The following GUCY1A2 variants were observed in gnomAD, a reference collection of about 807,000 sequenced individuals.
GUCY1A2 encodes the protein guanylate cyclase 1 soluble subunit alpha 2.
In GUCY1A2, 27 loss-of-function variants were observed where a neutral mutation model predicts 63.5. The ratio of observed to expected loss-of-function variants is 0.43; its 90% CI spans 0.31 to 0.59. The LOEUF (loss-of-function observed/expected upper bound fraction) is 0.59, where lower values mean the gene tolerates loss of function less well. Ranked by LOEUF, GUCY1A2 falls within the 20% of genes least tolerant of loss-of-function variation. GUCY1A2 has a pLI of 0.11. For synonymous variants in GUCY1A2, 364 were observed against 343.5 expected (o/e 1.06, Z -0.66); for missense variants, 768 against 913.3 (o/e 0.84, Z 2.05).
rs112368632 is a variant in GUCY1A2 at position 106,954,506 on chromosome 11, C to T, written c.488-14328G>A. 5.5e-3 allele frequency among the ~76,000 whole-genome samples: 834 copies of T among 152,182 alleles called. 8 individuals are homozygous for T. The highest frequency in any genetic ancestry group is 0.019 in the African/African-American group (790 of 41,534). ...TCTGTTGATCTAGGGTAGAGAGTTC[C>T]GTAAATGTCTACTAGGTCCACGTGA... On this transcript the variant is annotated intron_variant, in intron 3 of 7. Transcript: ENST00000526355.
chr11:106,804,898 T>A (rs1477828948), intron 5 of GUCY1A2, among the ~76,000 whole-genome samples: 1 of 152,204 alleles, frequency 6.6e-6, no homozygotes, highest in Non-Finnish European at 1.5e-5. Flanking sequence ...GTTCCTATCA[T>A]CTAGTCCCCT....
At chr11:107,012,651 T>A (rs1187970107) in intron 1 of GUCY1A2, among the ~76,000 whole-genome samples, 1 of 152,214 alleles carries the variant, frequency 6.6e-6, no homozygotes, top group East Asian at 1.9e-4. Flanking sequence ...TCATGTTGTT[T>A]CTAAATGATT....
intron 4 of GUCY1A2, among the ~76,000 whole-genome samples, chr11:106,828,784 T>A (rs1240697357): frequency 5.3e-5 from 8 of 152,172 alleles, no homozygotes. Flanking sequence ...GAATGAAGAC[T>A]AGAATGTGGA....
At chr11:106,759,039 A>C (rs545167270) in intron 6 of GUCY1A2, among the ~76,000 whole-genome samples, 36 of 152,222 alleles carry the variant, frequency 2.4e-4, no homozygotes, top group African/African-American at 7.9e-4. Context: ...AGTCAAACAA[A>C]TGTAGTGACT....
At chr11:106,709,558 T>C (rs1863023672) in intron 6 of GUCY1A2, among the ~76,000 whole-genome samples, 1 of 107,282 alleles carries the variant, frequency 9.3e-6, no homozygotes, top group South Asian at 2.5e-4. Context: ...ATTATATAAA[T>C]ATGTTATATA....
chr11:106,917,383 A>T (rs1860382145), intron 4 of GUCY1A2, among the ~76,000 whole-genome samples: 3 of 145,622 alleles, frequency 2.1e-5, no homozygotes, highest in Non-Finnish European at 4.6e-5. Context: ...TTGGAGGTAA[A>T]CAGCAGCCAG....
chr11:106,944,146 T>C (rs1011869880), intron 3 of GUCY1A2, among the ~76,000 whole-genome samples: 3 of 131,440 alleles, frequency 2.3e-5, no homozygotes, highest in Non-Finnish European at 4.7e-5. Context: ...GCCCAGGATG[T>C]TGAGGTAGCA....
At chr11:106,795,517 T>C (rs76800178) in intron 5 of GUCY1A2, among the ~76,000 whole-genome samples, 41 of 152,290 alleles carry the variant, frequency 2.7e-4, no homozygotes, top group African/African-American at 7.0e-4. Flanking sequence ...ACAGCTTTCA[T>C]AGACTCCAAC....
rs1180806732 is a variant in GUCY1A2 at position 106,676,793 on chromosome 11, TA to T, written c.*10755del. On this transcript the variant is annotated 3_prime_UTR_variant, in exon 8 of 8. Coordinates refer to ENST00000526355, the MANE Select transcript of GUCY1A2 (RefSeq NM_000855.3). ...AGTCTTTAGCAGTGTGGTACTCACA[TA>T]AAAAAAAATGACTACTTGAAAATAA... is the stretch of plus-strand genomic sequence containing the variant. The T allele has an allele frequency of 7.5e-4, 145 of 192,922 alleles. No homozygotes were observed. Among genetic ancestry groups the T allele is most frequent in the South Asian group, 1.2e-3 (6 of 5,142 alleles). 12.0% of individuals were successfully genotyped at this position (192,922 alleles called of 1,614,324 possible). A position where few individuals can be genotyped will look rare whatever the true frequency, so the allele number is the denominator to read the frequency against.
chr11:106,710,172 AAT>A (rs537754357), intron 6 of GUCY1A2, among the ~76,000 whole-genome samples: 2,519 of 80,362 alleles, frequency 0.031, 116 homozygotes, highest in Non-Finnish European at 0.047. Context: ...ACATGTATAT[AAT>A]ATAGTTATAT....
At chr11:106,802,730 G>C (rs1439216289) in intron 5 of GUCY1A2, among the ~76,000 whole-genome samples, 1 of 152,148 alleles carries the variant, frequency 6.6e-6, no homozygotes, top group African/African-American at 2.4e-5. Flanking sequence ...TGCCATCTTA[G>C]TGTGTCCTCA....
At chr11:106,762,874 T>C (rs1226427754) in intron 6 of GUCY1A2, among the ~76,000 whole-genome samples, 1 of 152,136 alleles carries the variant, frequency 6.6e-6, no homozygotes, top group African/African-American at 2.4e-5. Flanking sequence ...CAGTGTAATT[T>C]TGTCAAAGAC....
At chr11:106,938,403 G>A (rs1350111890) in intron 4 of GUCY1A2, among the ~76,000 whole-genome samples, 2 of 152,116 alleles carry the variant, frequency 1.3e-5, no homozygotes, top group Non-Finnish European at 2.9e-5. Flanking sequence ...TCCAGAATAT[G>A]TATATTTTCA....
At chr11:106,763,068 G>A (rs1160317163) in intron 6 of GUCY1A2, among the ~76,000 whole-genome samples, 1 of 152,038 alleles carries the variant, frequency 6.6e-6, no homozygotes, top group African/African-American at 2.4e-5. Context: ...AATGGTCCGT[G>A]ATGGCAACTC....
chr11:106,753,602 C>T (rs937648820), intron 6 of GUCY1A2, among the ~76,000 whole-genome samples: 1 of 152,196 alleles, frequency 6.6e-6, no homozygotes, highest in Admixed American at 6.5e-5. Context: ...GTTTTCCCAA[C>T]ACTGTTTATT....
At chr11:107,012,722 C>T (rs918868181) in intron 1 of GUCY1A2, among the ~76,000 whole-genome samples, 6 of 152,120 alleles carry the variant, frequency 3.9e-5, no homozygotes, top group Non-Finnish European at 7.4e-5. Context: ...ATTATAGTAT[C>T]TATTTTCAAC....
chr11:106,768,722 G>A (rs1211204685), intron 6 of GUCY1A2, among the ~76,000 whole-genome samples: 26 of 152,124 alleles, frequency 1.7e-4, no homozygotes, highest in Admixed American at 1.7e-3. Context: ...CCAAGATATG[G>A]CAGAAGATAA....
intron 6 of GUCY1A2, among the ~76,000 whole-genome samples, chr11:106,759,555 T>A (rs78802557): frequency 0.029 from 4,436 of 152,336 alleles, 104 homozygotes; most frequent in South Asian, 0.069. Flanking sequence ...ATTGCTGATA[T>A]AATTAGTCAA....
intron 4 of GUCY1A2, among the ~76,000 whole-genome samples, chr11:106,911,363 T>C (rs1860291417): frequency 6.6e-6 from 1 of 152,088 alleles, no homozygotes; most frequent in Non-Finnish European, 1.5e-5. Context: ...AAACCCACTT[T>C]AATCATTTTG....
Sources: gnomAD v4.1 joint callset for allele counts (sites outside exome capture counted in the v4.1 genomes callset) on GRCh38, gnomAD v4.1.1 for gene constraint, MANE v1.5 for transcripts, NCBI Gene and HGNC (gene_info 2026-07-23, HGNC 2026-07-21) for gene names.